Variants in RALGAPA1 observed in about 807,000 individuals in gnomAD.
RALGAPA1 encodes the protein ral GTPase-activating protein subunit alpha-1.
Under a neutral mutation model 269.6 loss-of-function variants are expected in RALGAPA1, and 52 were observed. The ratio of observed to expected loss-of-function variants is 0.19; its 90% CI spans 0.15 to 0.24. The LOEUF (loss-of-function observed/expected upper bound fraction) is 0.24, where lower values mean the gene tolerates loss of function less well. Among genes scored for constraint, RALGAPA1 ranks in the 10% least tolerant of loss-of-function variants. RALGAPA1 has a pLI of 1.00. For synonymous variants in RALGAPA1, 817 were observed against 1,008.3 expected, an observed-to-expected ratio of 0.81 and a Z score of 3.60; for missense variants, 1,917 against 3,013.9, an observed-to-expected ratio of 0.64 and a Z score of 8.52.
intron 39 of RALGAPA1, among the ~76,000 whole-genome samples, chr14:35,563,748 C>T (rs534295981): frequency 5.8e-4 from 89 of 152,248 alleles, no homozygotes; most frequent in Non-Finnish European, 9.7e-4. Flanking sequence ...TATAACTTAT[C>T]GTCCACTTTA....
At chr14:35,775,560 C>T in intron 2 of RALGAPA1, 75 bp downstream of exon 2, 1 of 1,482,058 alleles carries the variant, frequency 6.7e-7, no homozygotes, top group Non-Finnish European at 8.9e-7. Context: ...ACAATATGTC[C>T]AACAGCCTTT....
chr14:35,543,477 T>G lies in RALGAPA1; in HGVS notation c.*24-3787A>C, dbSNP rs117475272. On this transcript the variant is annotated intron_variant, in intron 41 of 41. Transcript: ENST00000680220. ...CCATTAAATTTAGTTTGAAGGAAAT[T>G]TATCCTCTCTTATGTTGATAGTCCT... 1.2e-4 allele frequency among the ~76,000 whole-genome samples: 18 copies of G among 152,256 alleles called. No individual in the cohort carries two copies. The East Asian group carries it at 3.5e-3, about 29-fold the overall frequency.
At chr14:35,629,692 C>G (rs761840464) in intron 33 of RALGAPA1, among the ~76,000 whole-genome samples, 1 of 151,914 alleles carries the variant, frequency 6.6e-6, no homozygotes, top group Non-Finnish European at 1.5e-5. Context: ...GTAGAGACTG[C>G]GTTTCACCAT....
chr14:35,725,563 AAATC>A (rs1327339897), intron 13 of RALGAPA1, among the ~76,000 whole-genome samples: 1 of 152,244 alleles, frequency 6.6e-6, no homozygotes, highest in Non-Finnish European at 1.5e-5. Flanking sequence ...TAACTATATC[AAATC>A]AATCAAATCC....
chr14:35,597,939 G>A (rs896652643), intron 36 of RALGAPA1, among the ~76,000 whole-genome samples: 1 of 152,134 alleles, frequency 6.6e-6, no homozygotes, highest in East Asian at 1.9e-4. Flanking sequence ...TATGGCCCAG[G>A]ATATGATCTG....
At chr14:35,726,304 C>T (rs1379583245) in intron 13 of RALGAPA1, among the ~76,000 whole-genome samples, 1 of 152,276 alleles carries the variant, frequency 6.6e-6, no homozygotes, top group African/African-American at 2.4e-5. Context: ...ATCAAAGGTG[C>T]CACATTTGTA....
intron 1 of RALGAPA1, among the ~76,000 whole-genome samples, chr14:35,797,504 A>G (rs1202438311): frequency 6.6e-6 from 1 of 152,058 alleles, no homozygotes; most frequent in Non-Finnish European, 1.5e-5. Context: ...CTGTCATTTG[A>G]TAACATGGTA....
intron 26 of RALGAPA1, among the ~76,000 whole-genome samples, chr14:35,668,168 G>GA (rs1181994321): frequency 6.6e-6 from 1 of 151,986 alleles, no homozygotes; most frequent in Non-Finnish European, 1.5e-5. Flanking sequence ...AAAGAAGGGG[G>GA]AAAAAAATAA....
At chr14:35,731,794 A>C (rs8020257) in intron 12 of RALGAPA1, among the ~76,000 whole-genome samples, 6,122 of 152,302 alleles carry the variant, frequency 0.04, 427 homozygotes, top group African/African-American at 0.14. Context: ...GAGAAATCTA[A>C]AAGTTGGAAA....
At chr14:35,679,859 T>G (rs2065260977) in intron 21 of RALGAPA1, among the ~76,000 whole-genome samples, 1 of 152,176 alleles carries the variant, frequency 6.6e-6, no homozygotes, top group Admixed American at 6.5e-5. Flanking sequence ...CATATGATAA[T>G]CATATATCAA....
At chr14:35,540,610 A>C (rs919128031) in intron 41 of RALGAPA1, among the ~76,000 whole-genome samples, 1 of 152,250 alleles carries the variant, frequency 6.6e-6, no homozygotes, top group African/African-American at 2.4e-5. Context: ...TTCCTAAACA[A>C]AATGAGTAAT....
At chr14:35,550,919 G>C (rs117307269) in intron 39 of RALGAPA1, among the ~76,000 whole-genome samples, 1,868 of 152,214 alleles carry the variant, frequency 0.012, 19 homozygotes, top group Non-Finnish European at 0.02. Flanking sequence ...ACATAAACAA[G>C]TAATATGGCA....
At chr14:35,802,838 T>C (rs1225298211) in intron 1 of RALGAPA1, among the ~76,000 whole-genome samples, 4 of 151,988 alleles carry the variant, frequency 2.6e-5, no homozygotes, top group African/African-American at 9.7e-5. Flanking sequence ...CACACTACCA[T>C]GCCCAGCTAT....
At chr14:35,769,065 T>TATATATATATATATATACAC (rs1237249622) in intron 4 of RALGAPA1, among the ~76,000 whole-genome samples, 1 of 77,798 alleles carries the variant, frequency 1.3e-5, no homozygotes, top group African/African-American at 4.6e-5. Context: ...TATATATATA[T>TATATATATATATATATACAC]ACACACACAT....
chr14:35,623,079 T>C (rs1188346313), intron 35 of RALGAPA1, among the ~76,000 whole-genome samples: 3 of 118,436 alleles, frequency 2.5e-5, no homozygotes, highest in African/African-American at 8.1e-5. Context: ...GAAGACTCTG[T>C]CTCAAAAAAA....
At chr14:35,644,185 T>C (rs2062223517) in intron 31 of RALGAPA1, among the ~76,000 whole-genome samples, 1 of 152,120 alleles carries the variant, frequency 6.6e-6, no homozygotes, top group Admixed American at 6.6e-5. Flanking sequence ...CCCAGAACAA[T>C]TTTCAATAAA....
At chr14:35,706,156 G>C (rs943276819) in intron 16 of RALGAPA1, among the ~76,000 whole-genome samples, 3 of 152,122 alleles carry the variant, frequency 2.0e-5, no homozygotes, top group Non-Finnish European at 4.4e-5. Flanking sequence ...GTCCAACTTA[G>C]CAATTTTTTC....
At position 35,627,417 on chromosome 14, in the gene RALGAPA1, C is replaced by G. The variant is rs1186903423; in HGVS notation, c.6530G>C (p.Trp2177Ser). ...ATCTTCTTCATCTCTTATTGTATCC[C>G]AAGTTGGTACAGTTTCTCTAAATCT... ...FKRFRETVPT[W>S]DTIRDEEDVL... Residue 2177 changes from tryptophan (W) to serine (S), a missense_variant, in exon 34 of 42, where the codon TGG (tryptophan) becomes TCG (serine). Physicochemically the swap from Trp to Ser is radical, Grantham distance 177. This residue lies in a region of RALGAPA1 where 132 missense variants were observed against 271.2 expected (regional missense o/e 0.49). Transcript: ENST00000680220. The G allele has an allele frequency of 6.2e-7, 1 of 1,613,926 alleles. No homozygotes were observed. Among genetic ancestry groups the G allele is most frequent in the South Asian group, 1.1e-5 (1 of 90,974 alleles).
chr14:35,591,512 A>C (rs1295856027), intron 37 of RALGAPA1, among the ~76,000 whole-genome samples: 1 of 152,030 alleles, frequency 6.6e-6, no homozygotes, highest in Non-Finnish European at 1.5e-5. Context: ...GGGTCTTGCT[A>C]TGTTACTCAG....
Sources: allele counts gnomAD v4.1 joint callset (sites outside exome capture counted in the v4.1 genomes callset), GRCh38; gene constraint gnomAD v4.1.1; regional missense constraint gnomAD v4.1.1; transcripts MANE v1.5; gene names NCBI Gene and HGNC (gene_info 2026-07-23, HGNC 2026-07-21).